The following SRGAP3 variants were observed in gnomAD, a reference collection of about 807,000 sequenced individuals.
The protein encoded by SRGAP3 is SLIT-ROBO Rho GTPase activating protein 3, also known as SLIT-ROBO Rho GTPase-activating protein 3.
A neutral mutation model predicts 121.1 loss-of-function variants in SRGAP3; 39 were observed. The observed-to-expected ratio is 0.32, with a 90% CI of 0.25 to 0.42. The LOEUF (loss-of-function observed/expected upper bound fraction) is 0.42. Ranked by LOEUF, SRGAP3 falls within the 10% of genes least tolerant of loss-of-function variation. SRGAP3 has a pLI of 1.00. For synonymous variants in SRGAP3, 601 were observed against 570.0 expected, an observed-to-expected ratio of 1.05 and a Z score of -0.77; for missense variants, 1,213 against 1,470.6, an observed-to-expected ratio of 0.82 and a Z score of 2.86.
chr3:9,002,311 A>T (rs184836472), intron 18 of SRGAP3, among the ~76,000 whole-genome samples: 39 of 152,352 alleles, frequency 2.6e-4, no homozygotes, highest in African/African-American at 9.4e-4. Context: ...AAACTGACAA[A>T]TAGGCAAAAA....
chr3:9,101,026 G>A (rs988776392), intron 3 of SRGAP3, among the ~76,000 whole-genome samples: 1 of 152,248 alleles, frequency 6.6e-6, no homozygotes, highest in African/African-American at 2.4e-5. Flanking sequence ...CCATGTGACA[G>A]GTTTGATCTG....
rs397795766 is a variant in SRGAP3 at position 9,142,829 on chromosome 3, C to CTTTTT, written c.68-17917_68-17913dup. On this transcript the variant is annotated intron_variant, in intron 1 of 21. Transcript: ENST00000383836. ...GTCAACCAAGTTGGTGGGCAATTTCCTTTTTTTTTTTTTTTTTTTTTTTGA... is the reference window on the plus strand; with the variant it reads ...GTCAACCAAGTTGGTGGGCAATTTCCTTTTTTTTTTTTTTTTTTTTTTTTTTTTGA... Among the ~76,000 whole-genome samples the CTTTTT allele has an allele frequency of 2.6e-3, 234 of 90,844 alleles. 22 individuals are homozygous for CTTTTT. The highest frequency in any genetic ancestry group is 9.3e-3 in the African/African-American group (211 of 22,670). 59.6% of individuals were successfully genotyped at this position (90,844 alleles called of 152,430 possible). A position where few individuals can be genotyped will look rare whatever the true frequency, so the allele number is the denominator to read the frequency against.
intron 3 of SRGAP3, among the ~76,000 whole-genome samples, chr3:9,085,778 T>A (rs1947438267): frequency 6.6e-6 from 1 of 152,020 alleles, no homozygotes; most frequent in Non-Finnish European, 1.5e-5. Context: ...CATTGATACA[T>A]ACAGGGAAAA....
intron 1 of SRGAP3, among the ~76,000 whole-genome samples, chr3:9,223,397 A>AT (rs1205881900): frequency 7.2e-5 from 11 of 152,228 alleles, no homozygotes; most frequent in African/African-American, 1.7e-4. Context: ...AATTAAATAG[A>AT]TTTTTCTACA....
At chr3:9,122,988 T>C (rs1444677519) in intron 2 of SRGAP3, among the ~76,000 whole-genome samples, 1 of 152,150 alleles carries the variant, frequency 6.6e-6, no homozygotes, top group East Asian at 1.9e-4. Context: ...ATCTGCACCA[T>C]ATTATTCAGC....
intron 3 of SRGAP3, among the ~76,000 whole-genome samples, chr3:9,274,570 G>A (rs982899829): frequency 6.6e-6 from 1 of 152,184 alleles, no homozygotes; most frequent in African/African-American, 2.4e-5. Context: ...GTCGTCTGAG[G>A]ACAGCTTAAG....
At chr3:8,993,155 C>T (rs1248326425) in intron 19 of SRGAP3, 100 bp from the exon 20 acceptor site, 4 of 1,569,640 alleles carry the variant, frequency 2.5e-6, no homozygotes, top group South Asian at 1.1e-5. Flanking sequence ...ATTAACACAA[C>T]TTATGGTTAC....
intron 2 of SRGAP3, among the ~76,000 whole-genome samples, chr3:9,115,761 C>T (rs1405250794): frequency 6.6e-6 from 1 of 152,166 alleles, no homozygotes; most frequent in Non-Finnish European, 1.5e-5. Flanking sequence ...CATTCCTGCA[C>T]ACCACCACAC....
chr3:9,197,397 T>C (rs1224615993), intron 1 of SRGAP3, among the ~76,000 whole-genome samples: 1 of 152,264 alleles, frequency 6.6e-6, no homozygotes, highest in Non-Finnish European at 1.5e-5. Context: ...ATGAAATGGC[T>C]GTGGATCTCC....
At chr3:9,091,933 T>C (rs1250053911) in intron 3 of SRGAP3, among the ~76,000 whole-genome samples, 1 of 152,192 alleles carries the variant, frequency 6.6e-6, no homozygotes, top group Admixed American at 6.5e-5. Context: ...ATCTACTCAT[T>C]TTTCAAGAAT....
At chr3:9,301,940 G>T (rs1211572232) in intron 3 of SRGAP3, among the ~76,000 whole-genome samples, 1 of 152,190 alleles carries the variant, frequency 6.6e-6, no homozygotes, top group Non-Finnish European at 1.5e-5. Flanking sequence ...GGATATTGTG[G>T]GGTGAGTGAA....
In SRGAP3 at chr3:9,345,269, T is replaced by C. The variant is rs909790009; in HGVS notation, n.215-14673A>G. Among the ~76,000 whole-genome samples the C allele has an allele frequency of 1.6e-4, 25 of 151,970 alleles. 1 individual carries two copies. Among genetic ancestry groups the C allele is most frequent in the East Asian group, 1.9e-4 (1 of 5,144 alleles). On this transcript the variant is annotated intron_variant and non_coding_transcript_variant, in intron 1 of 3. Transcript: ENST00000490889. ...AATTCGGGAGGCCCAGGCAGGAAAATTGCCTGAGGCCAGGAGTTTGAGACC... is the reference window on the plus strand; with the variant it reads ...AATTCGGGAGGCCCAGGCAGGAAAACTGCCTGAGGCCAGGAGTTTGAGACC...
chr3:9,129,813 G>A (rs972768464), intron 1 of SRGAP3, among the ~76,000 whole-genome samples: 7 of 151,436 alleles, frequency 4.6e-5, no homozygotes, highest in Non-Finnish European at 7.4e-5. Context: ...CCAGGCTGGA[G>A]TGCAGTGGCG....
chr3:9,210,469 A>C (rs1390668053), intron 1 of SRGAP3, among the ~76,000 whole-genome samples: 1 of 152,170 alleles, frequency 6.6e-6, no homozygotes, highest in African/African-American at 2.4e-5. Context: ...CCTAGGTGAC[A>C]CAGTGAGACT....
At chr3:8,989,622 C>G (rs1559848398) in intron 21 of SRGAP3, among the ~76,000 whole-genome samples, 1 of 152,008 alleles carries the variant, frequency 6.6e-6, no homozygotes, top group Non-Finnish European at 1.5e-5. Context: ...ATAATGGGCC[C>G]CCACACCAAA....
chr3:9,015,281 C>A (rs1013433173), intron 15 of SRGAP3, among the ~76,000 whole-genome samples: 2 of 151,378 alleles, frequency 1.3e-5, no homozygotes, highest in South Asian at 2.1e-4. Flanking sequence ...ATGTCCCTTG[C>A]GCTTCCCAGG....
chr3:9,178,600 A>G (rs1439976718), intron 1 of SRGAP3, among the ~76,000 whole-genome samples: 3 of 152,216 alleles, frequency 2.0e-5, no homozygotes, highest in Non-Finnish European at 4.4e-5. Flanking sequence ...AGAGGAATCA[A>G]TCATCCAACT....
rs951218603 is a variant in SRGAP3 at position 9,170,915 on chromosome 3, C to A, written c.68-45998G>T. ...AGGCCTGGGTCACACAGTGTCCTCA[C>A]GCTCCAGCCTGCTGGCAGAGCAAGG... On this transcript the variant is annotated intron_variant, in intron 1 of 21. Transcript: ENST00000383836. 4.6e-5 allele frequency among the ~76,000 whole-genome samples: 7 copies of A among 152,192 alleles called. 1 individual carries two copies. Among genetic ancestry groups the A allele is most frequent in the Non-Finnish European group, 1.5e-5 (1 of 68,024 alleles).
At chr3:9,361,787 T>C (rs1245798024) in intron 1 of SRGAP3, among the ~76,000 whole-genome samples, 1 of 152,204 alleles carries the variant, frequency 6.6e-6, no homozygotes, top group Non-Finnish European at 1.5e-5. Flanking sequence ...CATTCCTTCC[T>C]GATAAGAGAT....
Sources: gnomAD v4.1 joint callset for allele counts (sites outside exome capture counted in the v4.1 genomes callset) on GRCh38, gnomAD v4.1.1 for gene constraint, MANE v1.5 for transcripts, NCBI Gene and HGNC (gene_info 2026-07-23, HGNC 2026-07-21) for gene names.